Variants in SH3GL2 observed in about 807,000 individuals in gnomAD.
SH3GL2 encodes the protein SH3 domain containing GRB2 like 2, endophilin A1, also known as endophilin-A1.
SH3GL2 carries 24 observed loss-of-function variants against 46.0 expected under a neutral mutation model. The observed-to-expected ratio is 0.52, with a 90% CI of 0.38 to 0.73. SH3GL2 has a LOEUF of 0.73. Among genes scored for constraint, SH3GL2 ranks in the 30% least tolerant of loss-of-function variants. SH3GL2 has a pLI of 0.00. For missense variants in SH3GL2, 413 were observed against 424.2 expected (o/e 0.97, Z 0.23); for synonymous variants, 196 against 147.1 (o/e 1.33, Z -2.40).
At chr9:17,685,463 A>C (rs1415983325) in intron 1 of SH3GL2, among the ~76,000 whole-genome samples, 1 of 152,132 alleles carries the variant, frequency 6.6e-6, no homozygotes, top group African/African-American at 2.4e-5. Flanking sequence ...TTAATGCTTA[A>C]TTGAATAACT....
intron 1 of SH3GL2, among the ~76,000 whole-genome samples, chr9:17,740,606 C>T (rs1443220616): frequency 6.6e-6 from 1 of 152,044 alleles, no homozygotes; most frequent in African/African-American, 2.4e-5. Flanking sequence ...ATTGAGAATA[C>T]AGTAGTGTCC....
intron 1 of SH3GL2, among the ~76,000 whole-genome samples, chr9:17,651,062 G>T (rs1203271886): frequency 6.6e-6 from 1 of 151,922 alleles, no homozygotes; most frequent in Non-Finnish European, 1.5e-5. Flanking sequence ...CACCTATTTT[G>T]TTTCTTGGCT....
chr9:17,709,461 T>C (rs1301836032), intron 1 of SH3GL2, among the ~76,000 whole-genome samples: 2 of 151,922 alleles, frequency 1.3e-5, no homozygotes, highest in Non-Finnish European at 2.9e-5. Flanking sequence ...GCTCCAGATA[T>C]TAGGCTGTTT....
At position 17,728,719 on chromosome 9, in the gene SH3GL2, T is replaced by TAA. The variant is rs1822090932; in HGVS notation, c.46-18347_46-18346insAA. Among the ~76,000 whole-genome samples, 4 of 152,332 alleles carry TAA rather than the reference T, an allele frequency of 2.6e-5. No individual in the cohort carries two copies. In the East Asian group the frequency reaches 7.7e-4, roughly 29 times the overall value. ...CAGCTCCCACTTATTAGTGAGAACA[T>TAA]GCAGTGTTTGGTTTTCTGTTCTAGT... On this transcript the variant is annotated intron_variant, in intron 1 of 8. Transcript: ENST00000380607.
intron 1 of SH3GL2, among the ~76,000 whole-genome samples, chr9:17,651,171 A>C (rs573975274): frequency 1.3e-5 from 2 of 151,732 alleles, no homozygotes; most frequent in East Asian, 3.9e-4. Flanking sequence ...CTTTTGCTTT[A>C]TTTTCTTGAA....
chr9:17,703,975 C>G (rs1821402168), intron 1 of SH3GL2, among the ~76,000 whole-genome samples: 1 of 151,994 alleles, frequency 6.6e-6, no homozygotes, highest in Non-Finnish European at 1.5e-5. Context: ...AAAAAGCATT[C>G]AGATAGGCAG....
intron 1 of SH3GL2, among the ~76,000 whole-genome samples, chr9:17,685,834 T>C (rs1820891367): frequency 1.3e-5 from 2 of 152,286 alleles, no homozygotes; most frequent in East Asian, 3.9e-4. Flanking sequence ...AGTACCATGC[T>C]GTTTTGGTTA....
chr9:17,730,329 A>T (rs1233400673), intron 1 of SH3GL2, among the ~76,000 whole-genome samples: 2 of 152,130 alleles, frequency 1.3e-5, no homozygotes, highest in Admixed American at 1.3e-4. Flanking sequence ...AGACTGCTGA[A>T]GTTGCTTATC....
At chr9:17,737,723 G>A (rs1171754413) in intron 1 of SH3GL2, among the ~76,000 whole-genome samples, 2 of 151,896 alleles carry the variant, frequency 1.3e-5, no homozygotes, top group Admixed American at 6.6e-5. Flanking sequence ...TCCCTGCCTC[G>A]TCTTTAATTG....
intron 1 of SH3GL2, among the ~76,000 whole-genome samples, chr9:17,607,569 T>A (rs1818783945): frequency 6.6e-6 from 1 of 152,206 alleles, no homozygotes; most frequent in Non-Finnish European, 1.5e-5. Flanking sequence ...GACCAAAATG[T>A]CTATGCGGCA....
intron 1 of SH3GL2, among the ~76,000 whole-genome samples, chr9:17,625,718 C>T (rs573696468): frequency 6.6e-6 from 1 of 152,254 alleles, no homozygotes; most frequent in East Asian, 1.9e-4. Flanking sequence ...GAAAAGTAAG[C>T]CCTGTGGAAG....
chr9:17,785,045 T>C (rs1823914066), intron 3 of SH3GL2, among the ~76,000 whole-genome samples: 1 of 152,192 alleles, frequency 6.6e-6, no homozygotes, highest in Non-Finnish European at 1.5e-5. Context: ...TAACATATGA[T>C]CCCTTTTATA....
At position 17,795,968 on chromosome 9, in the gene SH3GL2, C is replaced by T. The variant is rs1007790446; in HGVS notation, c.*225C>T. ...TGGCATGTGCTTTTTAAAACATCATCTGAGACCAGCCAGTAGTCACAGAAC... is the reference window on the plus strand; with the variant it reads ...TGGCATGTGCTTTTTAAAACATCATTTGAGACCAGCCAGTAGTCACAGAAC... On this transcript the variant is annotated 3_prime_UTR_variant, in exon 9 of 9. Transcript: ENST00000380607. The T allele has an allele frequency of 5.5e-6, 3 of 543,692 alleles. No individual in the cohort carries two copies. The Admixed American group carries it at 9.3e-5, about 17-fold the overall frequency. The allele number at this position is 543,692 out of a possible 1,614,324, so 33.7% of individuals were successfully genotyped here. A position where few individuals can be genotyped will look rare whatever the true frequency, so the allele number is the denominator to read the frequency against.
intron 5 of SH3GL2, 63 bp from the exon 6 acceptor site, chr9:17,789,329 G>A: frequency 1.5e-6 from 2 of 1,342,996 alleles, no homozygotes; most frequent in Non-Finnish European, 2.1e-6. Flanking sequence ...ATGGAGAAGT[G>A]AGCTCAAATA....
chr9:17,749,302 A>G (rs1166349977), intron 2 of SH3GL2, among the ~76,000 whole-genome samples: 1 of 152,196 alleles, frequency 6.6e-6, no homozygotes, highest in Admixed American at 6.5e-5. Context: ...GAACTGACAC[A>G]CATTTCCAGA....
At chr9:17,717,697 G>A (rs1030266338) in intron 1 of SH3GL2, among the ~76,000 whole-genome samples, 3 of 152,084 alleles carry the variant, frequency 2.0e-5, no homozygotes, top group African/African-American at 4.8e-5. Flanking sequence ...GCTAACAGAA[G>A]TATGCCAGGC....
intron 3 of SH3GL2, among the ~76,000 whole-genome samples, chr9:17,775,488 T>C (rs1017907304): frequency 6.6e-6 from 1 of 152,242 alleles, no homozygotes; most frequent in Non-Finnish European, 1.5e-5. Flanking sequence ...ATGTAGTAGA[T>C]AACTTCTGAA....
rs748128909 is a variant in SH3GL2, at chr9:17,579,286, A to G, written c.44A>G (p.Gln15Arg). The G allele has an allele frequency of 6.4e-7, 1 of 1,561,688 alleles. No individual in the cohort carries two copies. ...GLKKQFHKAT[Q>R]KVSEKVGGAE... The stretch of plus-strand genomic sequence containing the variant: ...AAGAAGCAGTTCCATAAAGCCACTC[A>G]GGTAAGGCGCGCGGCAGGTGCGTCC... The change falls in exon 1 of 9, where the codon CAG (glutamine) becomes CGG (arginine). Residue 15 changes from glutamine (Q) to arginine (R), a missense_variant and splice_region_variant. Around this residue, in one of 3 missense-constraint regions of SH3GL2, gnomAD observed 160 missense variants for 192.3 expected, o/e 0.83. Transcript: ENST00000380607.
At chr9:17,786,311 C>A in intron 3 of SH3GL2, 70 bp from the exon 4 acceptor site, 1 of 1,445,740 alleles carries the variant, frequency 6.9e-7, no homozygotes. Context: ...GAGACCTGAT[C>A]CTCCATCCAG....
Sources: allele counts gnomAD v4.1 joint callset (sites outside exome capture counted in the v4.1 genomes callset), GRCh38; gene constraint gnomAD v4.1.1; regional missense constraint gnomAD v4.1.1; transcripts MANE v1.5; gene names NCBI Gene and HGNC (gene_info 2026-07-23, HGNC 2026-07-21).